The following RIMS2 variants were observed in gnomAD, a reference collection of about 807,000 sequenced individuals.
RIMS2 encodes regulating synaptic membrane exocytosis protein 2.
RIMS2 carries 59 observed loss-of-function variants against 174.4 expected under a neutral mutation model. The ratio of observed to expected loss-of-function variants is 0.34; its 90% CI spans 0.27 to 0.42. The LOEUF is 0.42. Among genes scored for constraint, RIMS2 ranks in the 10% least tolerant of loss-of-function variants. The probability of loss-of-function intolerance (pLI) is 1.00; values close to 1 mark genes in which losing one functional copy is unlikely to be tolerated. For missense variants in RIMS2, 1,620 were observed against 1,666.3 expected (o/e 0.97, Z 0.48); for synonymous variants, 606 against 572.5 (o/e 1.06, Z -0.84).
intron 3 of RIMS2, among the ~76,000 whole-genome samples, chr8:103,875,424 G>A (rs961222525): frequency 3.3e-5 from 5 of 151,886 alleles, no homozygotes; most frequent in African/African-American, 1.2e-4. Context: ...CATCGAAGTT[G>A]CTGCAAAAGA....
intron 19 of RIMS2, among the ~76,000 whole-genome samples, chr8:104,175,453 A>G (rs1352521100): frequency 1.3e-5 from 2 of 152,152 alleles, no homozygotes; most frequent in Non-Finnish European, 2.9e-5. Context: ...ATTGTGTTAC[A>G]ATCAAATTAT....
chr8:103,874,039 A>T (rs925244083), intron 3 of RIMS2, among the ~76,000 whole-genome samples: 3 of 152,154 alleles, frequency 2.0e-5, no homozygotes, highest in Middle Eastern at 6.8e-3. Context: ...GTGGGGATTG[A>T]TCCTGAATCT....
intron 4 of RIMS2, among the ~76,000 whole-genome samples, chr8:103,889,907 G>A (rs187465107): frequency 2.2e-4 from 33 of 151,884 alleles, no homozygotes; most frequent in Non-Finnish European, 4.1e-4. Context: ...TATCAGTTTT[G>A]GAGTAAAAGA....
chr8:104,128,730 C>T (rs1041182782), intron 19 of RIMS2, among the ~76,000 whole-genome samples: 11 of 152,002 alleles, frequency 7.2e-5, no homozygotes, highest in African/African-American at 9.7e-5. Context: ...CTATCTCTTA[C>T]GTAACAAAAT....
chr8:103,748,530 T>G (rs2097848650), intron 2 of RIMS2, among the ~76,000 whole-genome samples: 1 of 152,140 alleles, frequency 6.6e-6, no homozygotes, highest in South Asian at 2.1e-4. Flanking sequence ...CTCAACTTTT[T>G]TCTCTGAATT....
chr8:103,616,026 C>A (rs1240158569), intron 1 of RIMS2, among the ~76,000 whole-genome samples: 1 of 152,072 alleles, frequency 6.6e-6, no homozygotes, highest in Non-Finnish European at 1.5e-5. Context: ...TCTATGAGGC[C>A]AGCATCATCT....
At chr8:103,694,824 A>C (rs1278897867) in intron 1 of RIMS2, among the ~76,000 whole-genome samples, 3 of 152,202 alleles carry the variant, frequency 2.0e-5, no homozygotes, top group African/African-American at 7.2e-5. Flanking sequence ...CCAGCCTGGC[A>C]CTGAGGGCAT....
Position 103,604,319 on chromosome 8 carries a change from C to T in RIMS2, c.177-92767C>T, listed in dbSNP as rs894111668. Among the ~76,000 whole-genome samples, 239 of 151,672 alleles carry T rather than the reference C, an allele frequency of 1.6e-3. 2 individuals carry two copies. Among genetic ancestry groups the T allele is most frequent in the African/African-American group, 5.2e-3 (217 of 41,404 alleles). On this transcript the variant is annotated intron_variant, in intron 1 of 23. Transcript: ENST00000504942. ...AGATCAGATAGTTGTTGATATGCGG[C>T]GTTATTTCTGAGGGCTCTGTTCTGT...
intron 19 of RIMS2, chr8:104,223,327 C>G: frequency 9.4e-7 from 1 of 1,058,442 alleles, no homozygotes; most frequent in Non-Finnish European, 1.1e-6. Context: ...GCGGGGAGGG[C>G]AGCGAGACTC....
Position 103,717,453 on chromosome 8 carries a change from C to G in RIMS2, c.387+20157C>G, listed in dbSNP as rs117482412. On this transcript the variant is annotated intron_variant, in intron 2 of 23. Transcript: ENST00000504942. ...CCCTAGAGAACCTATAAGCTATCTTCCAGCCCACCTGATTTTCTGACTCAC... is the reference window on the plus strand; with the variant it reads ...CCCTAGAGAACCTATAAGCTATCTTGCAGCCCACCTGATTTTCTGACTCAC... Among the ~76,000 whole-genome samples, 695 of 152,224 alleles carry G rather than the reference C, an allele frequency of 4.6e-3. 3 individuals carry two copies. The highest frequency in any genetic ancestry group is 0.01 in the Middle Eastern group (3 of 294).
chr8:104,206,003 G>C (rs1227371020), intron 19 of RIMS2, among the ~76,000 whole-genome samples: 1 of 152,152 alleles, frequency 6.6e-6, no homozygotes, highest in Non-Finnish European at 1.5e-5. Context: ...TGATCCACCT[G>C]CCTTGGCCTC....
chr8:103,926,372 T>G (rs1457497837), intron 10 of RIMS2, among the ~76,000 whole-genome samples: 5 of 151,524 alleles, frequency 3.3e-5, no homozygotes, highest in African/African-American at 1.2e-4. Flanking sequence ...ACTCCACATC[T>G]GAATATTTCT....
chr8:103,941,453 C>T (rs2082509872), intron 13 of RIMS2, among the ~76,000 whole-genome samples: 1 of 151,194 alleles, frequency 6.6e-6, no homozygotes, highest in Admixed American at 6.6e-5. Flanking sequence ...CACCCCTGCA[C>T]TCCAGCCTGG....
chr8:103,575,914 G>A (rs572909016), intron 1 of RIMS2, among the ~76,000 whole-genome samples: 18 of 152,178 alleles, frequency 1.2e-4, no homozygotes, highest in Non-Finnish European at 1.6e-4. Context: ...AGATCAAGGT[G>A]GATAACTAGT....
At chr8:103,602,257 G>A (rs1032162470) in intron 1 of RIMS2, among the ~76,000 whole-genome samples, 1 of 152,152 alleles carries the variant, frequency 6.6e-6, no homozygotes, top group African/African-American at 2.4e-5. Flanking sequence ...AAAGTACTGG[G>A]ATTACAGGCA....
intron 19 of RIMS2, among the ~76,000 whole-genome samples, chr8:104,074,768 G>T (rs978003825): frequency 6.6e-6 from 1 of 152,074 alleles, no homozygotes. Flanking sequence ...AAGAAATTAT[G>T]CTATCATGGT....
chr8:103,786,608 T>C (rs2154437431), intron 3 of RIMS2, among the ~76,000 whole-genome samples: 1 of 152,370 alleles, frequency 6.6e-6, no homozygotes, highest in Non-Finnish European at 1.5e-5. Flanking sequence ...TCCTGAGTTC[T>C]AGTTTGATTG....
At chr8:103,941,576 G>T (rs965374760) in intron 13 of RIMS2, among the ~76,000 whole-genome samples, 2 of 152,052 alleles carry the variant, frequency 1.3e-5, no homozygotes, top group Non-Finnish European at 2.9e-5. Flanking sequence ...TTATGTGGCA[G>T]TTCTTGTAAA....
intron 10 of RIMS2, chr8:103,922,790 T>C: frequency 4.4e-6 from 1 of 226,918 alleles, no homozygotes; most frequent in Non-Finnish European, 9.4e-6. Context: ...CTGAAGTATT[T>C]TCATTAATTA....
Sources: allele counts gnomAD v4.1 joint callset (sites outside exome capture counted in the v4.1 genomes callset), GRCh38; gene constraint gnomAD v4.1.1; transcripts MANE v1.5; gene names NCBI Gene and HGNC (gene_info 2026-07-23, HGNC 2026-07-21).